Variants in HS3ST4 observed in about 807,000 individuals in gnomAD.
HS3ST4 encodes the protein heparan sulfate-glucosamine 3-sulfotransferase 4.
In HS3ST4, 17 loss-of-function variants were observed where a neutral mutation model predicts 29.2. That is an observed-to-expected ratio of 0.58 (90% CI 0.40 to 0.87). The LOEUF is 0.87. HS3ST4 is among the 40% of genes least tolerant of loss of function. The pLI, the probability that HS3ST4 is intolerant of heterozygous loss-of-function variation, is 0.00. For synonymous variants in HS3ST4, 314 were observed against 285.7 expected, an observed-to-expected ratio of 1.10 and a Z score of -1.00; for missense variants, 627 against 634.5, an observed-to-expected ratio of 0.99 and a Z score of 0.13.
At chr16:26,125,514 C>G (rs2141813082) in intron 1 of HS3ST4, among the ~76,000 whole-genome samples, 1 of 152,368 alleles carries the variant, frequency 6.6e-6, no homozygotes, top group African/African-American at 2.4e-5. Context: ...CCGCTCCTAA[C>G]AGGACATGGA....
intron 1 of HS3ST4, among the ~76,000 whole-genome samples, chr16:25,970,598 C>T (rs1567284269): frequency 6.6e-6 from 1 of 152,024 alleles, no homozygotes; most frequent in African/African-American, 2.4e-5. Context: ...TAGCCTCAAC[C>T]CCCTGGACTC....
intron 1 of HS3ST4, among the ~76,000 whole-genome samples, chr16:25,994,151 G>A (rs1021937600): frequency 6.6e-6 from 1 of 151,982 alleles, no homozygotes; most frequent in Non-Finnish European, 1.5e-5. Context: ...ACATTTGGGG[G>A]CTAGGGCTTC....
intron 1 of HS3ST4, among the ~76,000 whole-genome samples, chr16:25,733,690 C>CG (rs956073166): frequency 8.6e-5 from 13 of 151,916 alleles, no homozygotes; most frequent in Admixed American, 5.2e-4. Context: ...ATCTGGGGGG[C>CG]GGGGGGAAAC....
chr16:26,108,807 A>T (rs1899089517), intron 1 of HS3ST4, among the ~76,000 whole-genome samples: 1 of 152,202 alleles, frequency 6.6e-6, no homozygotes, highest in African/African-American at 2.4e-5. Flanking sequence ...ATGTAATATA[A>T]ATCTTTATCT....
intron 1 of HS3ST4, among the ~76,000 whole-genome samples, chr16:25,892,533 G>A (rs1968020137): frequency 1.3e-5 from 2 of 152,170 alleles, no homozygotes; most frequent in Admixed American, 6.5e-5. Flanking sequence ...GAATGGATGA[G>A]TTGAAACGGA....
At chr16:26,107,264 CAT>C (rs775594074) in intron 1 of HS3ST4, among the ~76,000 whole-genome samples, 5 of 151,792 alleles carry the variant, frequency 3.3e-5, no homozygotes, top group South Asian at 2.1e-4. Flanking sequence ...CACACACACA[CAT>C]ATATATGTAG....
chr16:26,022,604 C>G (rs1448546086), intron 1 of HS3ST4, among the ~76,000 whole-genome samples: 1 of 151,754 alleles, frequency 6.6e-6, no homozygotes, highest in Non-Finnish European at 1.5e-5. Context: ...GCTGTACAGA[C>G]AGGCAGCAGG....
chr16:25,912,055 G>C (rs1048766242), intron 1 of HS3ST4, among the ~76,000 whole-genome samples: 1 of 152,174 alleles, frequency 6.6e-6, no homozygotes, highest in Non-Finnish European at 1.5e-5. Context: ...TGCTGATTTA[G>C]AAAGTCTCAA....
At chr16:26,100,457 C>CA (rs1486287317) in intron 1 of HS3ST4, among the ~76,000 whole-genome samples, 3 of 152,146 alleles carry the variant, frequency 2.0e-5, no homozygotes, top group African/African-American at 4.8e-5. Flanking sequence ...GGGGCCCTCT[C>CA]AGACCCTCAA....
At chr16:25,847,199 T>TAGTA (rs1438027790) in intron 1 of HS3ST4, among the ~76,000 whole-genome samples, 2 of 152,208 alleles carry the variant, frequency 1.3e-5, no homozygotes, top group East Asian at 3.9e-4. Context: ...AAATGTACTT[T>TAGTA]AGTAAGTGTG....
chr16:26,113,470 A>ATGTGTGTGTGTGTG lies in HS3ST4; in HGVS notation c.735-22116_735-22103dup, dbSNP rs55722050. The stretch of plus-strand genomic sequence containing the variant: ...CAAAAAAAAGAAAATACAATATATG[A>ATGTGTGTGTGTGTG]TGTGTGTGTGTGTGTGTGTGTGTGT... On this transcript the variant is annotated intron_variant, in intron 1 of 1. Transcript: ENST00000331351. Among the ~76,000 whole-genome samples the ATGTGTGTGTGTGTG allele has an allele frequency of 2.6e-4, 35 of 132,216 alleles. 1 individual carries two copies. Among genetic ancestry groups the ATGTGTGTGTGTGTG allele is most frequent in the African/African-American group, 6.0e-4 (21 of 34,782 alleles). 86.7% of individuals were successfully genotyped at this position (132,216 alleles called of 152,430 possible). A position where few individuals can be genotyped will look rare whatever the true frequency, so the allele number is the denominator to read the frequency against.
At chr16:25,911,107 G>C (rs112183677) in intron 1 of HS3ST4, among the ~76,000 whole-genome samples, 13,539 of 152,180 alleles carry the variant, frequency 0.089, 879 homozygotes, top group Non-Finnish European at 0.12. Context: ...GAAATATGAA[G>C]ACATTCCCTC....
chr16:26,050,149 C>T (rs1898322211), intron 1 of HS3ST4, among the ~76,000 whole-genome samples: 1 of 152,178 alleles, frequency 6.6e-6, no homozygotes, highest in Admixed American at 6.5e-5. Flanking sequence ...CTGCTTTGGT[C>T]TTTCCAGTAA....
chr16:25,947,177 A>C (rs989250640), intron 1 of HS3ST4, among the ~76,000 whole-genome samples: 2 of 152,224 alleles, frequency 1.3e-5, no homozygotes, highest in Non-Finnish European at 2.9e-5. Flanking sequence ...ATGGTTCTCC[A>C]TAAAATCATT....
At chr16:25,882,697 A>C (rs1405186470) in intron 1 of HS3ST4, among the ~76,000 whole-genome samples, 1 of 152,102 alleles carries the variant, frequency 6.6e-6, no homozygotes, top group Non-Finnish European at 1.5e-5. Context: ...AAGATAGTAA[A>C]GGGGGCTTTT....
intron 1 of HS3ST4, among the ~76,000 whole-genome samples, chr16:25,877,835 A>T (rs189148552): frequency 1.6e-3 from 241 of 152,248 alleles, no homozygotes; most frequent in Admixed American, 4.1e-3. Flanking sequence ...TTGTTCACTG[A>T]TTTCATCATT....
intron 1 of HS3ST4, among the ~76,000 whole-genome samples, chr16:26,124,377 A>C (rs1899315612): frequency 6.6e-6 from 1 of 152,058 alleles, no homozygotes; most frequent in Admixed American, 6.6e-5. Context: ...GACTTATTTC[A>C]GTATAGTGAC....
chr16:25,825,193 A>G (rs1212693788), intron 1 of HS3ST4, among the ~76,000 whole-genome samples: 1 of 152,190 alleles, frequency 6.6e-6, no homozygotes, highest in Admixed American at 6.5e-5. Flanking sequence ...CAAGGATTTC[A>G]GCAACCACCG....
rs111494100 is a variant in HS3ST4, at chr16:25,712,164, G to GA, written c.734+19021dup. On this transcript the variant is annotated intron_variant, in intron 1 of 1. Coordinates refer to ENST00000331351, the MANE Select transcript of HS3ST4 (RefSeq NM_006040.3). Reference sequence around the variant, plus strand: ...TATAGACAAGATACTATTCTTCCAGGAAAAAAAACCCCAAATTTTGAGCCT... The same window carrying GA: ...TATAGACAAGATACTATTCTTCCAGGAAAAAAAAACCCCAAATTTTGAGCCT... Among the ~76,000 whole-genome samples, 1,404 of 151,622 alleles carry GA rather than the reference G, an allele frequency of 9.3e-3. 16 individuals are homozygous for GA. Among genetic ancestry groups the GA allele is most frequent in the African/African-American group, 0.031 (1,297 of 41,336 alleles).
Sources: allele counts gnomAD v4.1 joint callset (sites outside exome capture counted in the v4.1 genomes callset), GRCh38; gene constraint gnomAD v4.1.1; transcripts MANE v1.5; gene names NCBI Gene and HGNC (gene_info 2026-07-23, HGNC 2026-07-21).